C2CD3: variants seen among roughly 807,000 people sequenced by gnomAD.
The protein encoded by C2CD3 is C2 domain containing 3 centriole elongation regulator.
C2CD3 carries 148 observed loss-of-function variants against 234.0 expected under a neutral mutation model. That is an observed-to-expected ratio of 0.63 (90% confidence interval 0.55 to 0.72). The LOEUF is 0.72. C2CD3 is among the 30% of genes least tolerant of loss of function. C2CD3 has a pLI of 0.00. For synonymous variants in C2CD3, 1,000 were observed against 1,035.4 expected (o/e 0.97, Z 0.66); for missense variants, 2,577 against 2,811.5 (o/e 0.92, Z 1.89).
chr11:74,169,262 T>TA lies in C2CD3; in HGVS notation c.56-650dup, dbSNP rs1856998023. Among the ~76,000 whole-genome samples the TA allele has an allele frequency of 2.6e-5, 4 of 152,350 alleles. No individual in the cohort carries two copies. In the South Asian group the frequency reaches 8.3e-4, roughly 32 times the overall value. On this transcript the variant is annotated intron_variant, in intron 1 of 32. Transcript: ENST00000334126. ...TATTTTTAACACAGTGCTGGGTTCA[T>TA]ATATTTATTGGCTTTAGTATTTATT...
intron 3 of C2CD3, among the ~76,000 whole-genome samples, chr11:74,148,895 A>T (rs993885874): frequency 6.6e-6 from 1 of 152,222 alleles, no homozygotes; most frequent in Non-Finnish European, 1.5e-5. Flanking sequence ...AAGTTCCATC[A>T]TTCACTGCAT....
chr11:74,061,382 T>C (rs1173151142), intron 24 of C2CD3, among the ~76,000 whole-genome samples: 1 of 152,184 alleles, frequency 6.6e-6, no homozygotes, highest in South Asian at 2.1e-4. Flanking sequence ...GAGAGAAAGG[T>C]TGGGTTACCC....
chr11:74,033,834 C>T lies in C2CD3; in HGVS notation c.6326G>A (p.Gly2109Asp). The change falls in exon 31 of 33, where the codon GGC becomes GAC. Residue 2109 changes from glycine (G) to aspartate (D), a missense_variant. Gly to Asp is a moderately conservative substitution (Grantham distance 94). Coordinates refer to ENST00000334126, the MANE Select transcript of C2CD3 (RefSeq NM_001286577.2). ...SPQPDEVQRE[G>D]PSCPSPGPFC... ...AGGCCCTGGAGAAGGACAAGAGGGG[C>T]CTTCCCTCTGCACCTCGTCAGGCTG... The T allele has an allele frequency of 1.3e-6, 2 of 1,536,158 alleles. No individual in the cohort carries two copies. The highest frequency in any genetic ancestry group is 1.7e-6 in the Non-Finnish European group (2 of 1,146,880).
chr11:74,063,561 TTTGACAAAATTCAACAGCCC>T (rs1954356177), intron 24 of C2CD3, among the ~76,000 whole-genome samples: 1 of 152,176 alleles, frequency 6.6e-6, no homozygotes, highest in South Asian at 2.1e-4. Context: ...AGAAAAGGCC[TTTGACAAAATTCAACAGCCC>T]TTCATGTTAA....
intron 32 of C2CD3, among the ~76,000 whole-genome samples, chr11:74,020,377 A>G (rs55732300): frequency 0.051 from 7,725 of 152,286 alleles, 259 homozygotes; most frequent in Non-Finnish European, 0.08. Flanking sequence ...CTTCTTTTCA[A>G]ATCCACAGCA....
At chr11:74,042,331 C>T in intron 28 of C2CD3, 113 bp from the exon 29 acceptor site, 1 of 1,060,424 alleles carries the variant, frequency 9.4e-7, no homozygotes. Flanking sequence ...GCAAATCTAT[C>T]CCCACTATCA....
intron 12 of C2CD3, 146 bp downstream of exon 12, chr11:74,108,888 G>GATAATAATA (rs574277591): frequency 5.7e-6 from 2 of 352,874 alleles, no homozygotes; most frequent in African/African-American, 2.2e-5. Flanking sequence ...TAATAATAAT[G>GATAATAATA]ATAATAATAA....
At chr11:74,102,887 G>C (rs1327512737) in intron 14 of C2CD3, among the ~76,000 whole-genome samples, 5 of 152,094 alleles carry the variant, frequency 3.3e-5, no homozygotes, top group Non-Finnish European at 5.9e-5. Flanking sequence ...CCAAAACTCA[G>C]GCAAAAGAAA....
At position 74,132,926 on chromosome 11, in the gene C2CD3, G is replaced by A; in HGVS notation, c.1135C>T (p.His379Tyr). The change falls in exon 7 of 33, where the codon CAC becomes TAC. Residue 379 changes from histidine to tyrosine, a missense_variant. Coordinates refer to ENST00000334126, the MANE Select transcript of C2CD3 (RefSeq NM_001286577.2). Reference sequence around the variant, plus strand: ...GTATTCTCAGTTGAAGGGAGGAGGTGATCTTCAATGTGGTCTTTAAACCGA... The same window carrying A: ...GTATTCTCAGTTGAAGGGAGGAGGTAATCTTCAATGTGGTCTTTAAACCGA... ...RNRFKDHIED[H>Y]LLPSTENTFW... 1 of 1,612,662 alleles carries A rather than the reference G, an allele frequency of 6.2e-7. No individual in the cohort carries two copies. The highest frequency in any genetic ancestry group is 8.5e-7 in the Non-Finnish European group (1 of 1,178,690).
At chr11:74,049,637 A>G in intron 26 of C2CD3, 95 bp from the exon 27 acceptor site, 1 of 940,826 alleles carries the variant, frequency 1.1e-6, no homozygotes, top group Non-Finnish European at 1.6e-6. Context: ...CAGGGGATGG[A>G]GGAATTTAGT....
intron 22 of C2CD3, among the ~76,000 whole-genome samples, chr11:74,083,266 C>G (rs1955475383): frequency 6.6e-6 from 1 of 152,134 alleles, no homozygotes; most frequent in Non-Finnish European, 1.5e-5. Context: ...TGGATCCCTT[C>G]CTTACACCTT....
intron 27 of C2CD3, among the ~76,000 whole-genome samples, chr11:74,049,078 C>T (rs542547571): frequency 1.8e-4 from 27 of 152,176 alleles, no homozygotes; most frequent in African/African-American, 4.3e-4. Context: ...TTGGAAACTG[C>T]GATATAATTA....
At chr11:74,052,833 T>C (rs1953760971) in intron 26 of C2CD3, among the ~76,000 whole-genome samples, 1 of 152,188 alleles carries the variant, frequency 6.6e-6, no homozygotes, top group Non-Finnish European at 1.5e-5. Context: ...ACACTCTGAT[T>C]TCTCTCAGGT....
chr11:74,081,362 T>TCC (rs1422682891), intron 22 of C2CD3, among the ~76,000 whole-genome samples: 1 of 152,122 alleles, frequency 6.6e-6, no homozygotes, highest in Admixed American at 6.5e-5. Context: ...ATGTCCTTAT[T>TCC]CCTTCTTCAG....
intron 7 of C2CD3, among the ~76,000 whole-genome samples, chr11:74,131,397 A>G (rs545199763): frequency 9.2e-5 from 14 of 151,828 alleles, no homozygotes; most frequent in Admixed American, 2.6e-4. Flanking sequence ...GGTGGATCAC[A>G]TATATTGAAT....
At chr11:74,110,221 T>C (rs1956695528) in intron 11 of C2CD3, among the ~76,000 whole-genome samples, 1 of 152,224 alleles carries the variant, frequency 6.6e-6, no homozygotes, top group African/African-American at 2.4e-5. Flanking sequence ...TATAAAATGA[T>C]CTTCCTGTCC....
At chr11:74,093,240 A>AGATGTAAAGGGG (rs1368369251) in intron 18 of C2CD3, among the ~76,000 whole-genome samples, 4 of 151,134 alleles carry the variant, frequency 2.6e-5, no homozygotes, top group African/African-American at 4.9e-5. Flanking sequence ...TGGGTTGAAC[A>AGATGTAAAGGGG]TCCGTATTTA....
intron 32 of C2CD3, among the ~76,000 whole-genome samples, chr11:74,015,248 G>T (rs1471657584): frequency 6.6e-6 from 1 of 152,220 alleles, no homozygotes; most frequent in Non-Finnish European, 1.5e-5. Context: ...AGTGTGGGTG[G>T]GACCAGGCCA....
At chr11:74,082,123 A>AC in intron 22 of C2CD3, among the ~76,000 whole-genome samples, 1 of 136,822 alleles carries the variant, frequency 7.3e-6, no homozygotes, top group Middle Eastern at 3.9e-3. Context: ...GGCTGTGGAT[A>AC]TTTTTTTTTT....
Sources: allele counts gnomAD v4.1 joint callset (sites outside exome capture counted in the v4.1 genomes callset), GRCh38; gene constraint gnomAD v4.1.1; transcripts MANE v1.5; gene names NCBI Gene and HGNC (gene_info 2026-07-23, HGNC 2026-07-21).